Variants in TMEM132C observed in about 807,000 individuals in gnomAD.
TMEM132C encodes the protein protein phosphatase 1, regulatory subunit 152.
Under a neutral mutation model 61.4 loss-of-function variants are expected in TMEM132C, and 29 were observed. The ratio of observed to expected loss-of-function variants is 0.47; its 90% confidence interval spans 0.35 to 0.64. The LOEUF (loss-of-function observed/expected upper bound fraction) is 0.64. Ranked by LOEUF, TMEM132C falls within the 30% of genes least tolerant of loss-of-function variation. The probability of loss-of-function intolerance (pLI) is 0.00; values close to 1 mark genes in which losing one functional copy is unlikely to be tolerated. For missense variants in TMEM132C, 1,408 were observed against 1,476.9 expected, an observed-to-expected ratio of 0.95 and a Z score of 0.76; for synonymous variants, 656 against 633.1, an observed-to-expected ratio of 1.04 and a Z score of -0.54.
chr12:128,510,099 A>G lies in TMEM132C; in HGVS notation c.975-33858A>G, dbSNP rs80128992. On this transcript the variant is annotated intron_variant, in intron 2 of 8. Transcript: ENST00000435159. ...TGGTGACCTGCCTGGAGTCAAGGAC[A>G]TACAAAGTCAATCCCAACAGGTCCA... Among the ~76,000 whole-genome samples the G allele has an allele frequency of 5.8e-3, 886 of 152,362 alleles. 11 individuals carry two copies. The highest frequency in any genetic ancestry group is 0.02 in the African/African-American group (818 of 41,586).
intron 3 of TMEM132C, among the ~76,000 whole-genome samples, chr12:128,545,115 T>G (rs895006743): frequency 1.3e-5 from 2 of 152,216 alleles, no homozygotes; most frequent in Admixed American, 1.3e-4. Context: ...CAGCCCTTTA[T>G]TCCCTCCCTC....
intron 4 of TMEM132C, among the ~76,000 whole-genome samples, chr12:128,622,363 ATATATATATATATAT>A (rs1565994571): frequency 0.041 from 2,309 of 56,734 alleles, 272 homozygotes; most frequent in African/African-American, 0.12. Flanking sequence ...AAAAAAAAAT[ATATATATATATATAT>A]ATATATATAT....
chr12:128,502,250 A>G (rs905275448), intron 2 of TMEM132C, among the ~76,000 whole-genome samples: 12 of 152,096 alleles, frequency 7.9e-5, no homozygotes, highest in African/African-American at 2.9e-4. Context: ...GGGAGAGACA[A>G]ACACATGAAC....
At chr12:128,408,390 G>A (rs931445091) in intron 1 of TMEM132C, among the ~76,000 whole-genome samples, 4 of 152,156 alleles carry the variant, frequency 2.6e-5, no homozygotes, top group African/African-American at 9.7e-5. Flanking sequence ...GTTGGTGAAT[G>A]CTCCCACTGC....
At chr12:128,583,940 G>A (rs1875444088) in intron 3 of TMEM132C, among the ~76,000 whole-genome samples, 1 of 152,214 alleles carries the variant, frequency 6.6e-6, no homozygotes, top group Non-Finnish European at 1.5e-5. Context: ...GGAGCTCTGG[G>A]AGAAAATGAG....
intron 1 of TMEM132C, among the ~76,000 whole-genome samples, chr12:128,399,061 A>C (rs529689322): frequency 6.6e-6 from 1 of 152,218 alleles, no homozygotes; most frequent in Admixed American, 6.5e-5. Flanking sequence ...AGCATTTTCT[A>C]CTTTGTCCCC....
intron 3 of TMEM132C, among the ~76,000 whole-genome samples, chr12:128,572,017 CTGAT>C (rs1289162903): frequency 6.6e-6 from 1 of 152,240 alleles, no homozygotes; most frequent in African/African-American, 2.4e-5. Flanking sequence ...CTGCTGGCCT[CTGAT>C]TGGCCAGACC....
In TMEM132C at chr12:128,376,901, C is replaced by T. The variant is rs545133994; in HGVS notation, c.86-37831C>T. Among the ~76,000 whole-genome samples, 12 of 152,288 alleles carry T rather than the reference C, an allele frequency of 7.9e-5. No individual in the cohort carries two copies. The East Asian group carries it at 1.2e-3, about 15-fold the overall frequency. ...GGGAAGATAAGCATTGCTGCTATGG[C>T]GTGGACCCCCAAAGCAGGCCAGTGA... On this transcript the variant is annotated intron_variant, in intron 1 of 8. Transcript: ENST00000435159.
intron 2 of TMEM132C, among the ~76,000 whole-genome samples, chr12:128,434,385 C>T (rs1377833905): frequency 6.6e-6 from 1 of 152,136 alleles, no homozygotes; most frequent in Non-Finnish European, 1.5e-5. Context: ...CCTGCAACCT[C>T]TGCCTCCCGG....
chr12:128,544,235 T>C (rs1376043590), intron 3 of TMEM132C, 132 bp downstream of exon 3: 3 of 1,288,808 alleles, frequency 2.3e-6, no homozygotes, highest in Non-Finnish European at 3.1e-6. Flanking sequence ...CACGTGGAAA[T>C]CTGGAGGCAT....
intron 1 of TMEM132C, among the ~76,000 whole-genome samples, chr12:128,382,008 C>G (rs534556036): frequency 6.6e-6 from 1 of 152,094 alleles, no homozygotes; most frequent in African/African-American, 2.4e-5. Context: ...CACTCCTCCC[C>G]CAGGGATGTC....
intron 1 of TMEM132C, among the ~76,000 whole-genome samples, chr12:128,318,215 GA>G (rs1872216327): frequency 6.6e-6 from 1 of 152,178 alleles, no homozygotes. Flanking sequence ...ATTCCTAGAG[GA>G]CCAGTTTTGA....
In TMEM132C at chr12:128,691,263, A is replaced by G. The variant is rs140623878; in HGVS notation, c.1450-2566A>G. ...AAAGGTTAGGAAACACTGCCTGAGC[A>G]CTTTCTAGAAACTTTTGAATTAACT... On this transcript the variant is annotated intron_variant, in intron 5 of 8. Transcript: ENST00000435159. 2.3e-3 allele frequency among the ~76,000 whole-genome samples: 358 copies of G among 152,374 alleles called. 4 individuals carry two copies. The highest frequency in any genetic ancestry group is 8.1e-3 in the African/African-American group (336 of 41,594).
intron 2 of TMEM132C, among the ~76,000 whole-genome samples, chr12:128,537,588 T>A (rs1873578066): frequency 6.6e-6 from 1 of 152,184 alleles, no homozygotes; most frequent in Non-Finnish European, 1.5e-5. Context: ...TATACAACAT[T>A]CTCAAAGTGT....
At chr12:128,412,557 A>G (rs1868596949) in intron 1 of TMEM132C, among the ~76,000 whole-genome samples, 1 of 152,156 alleles carries the variant, frequency 6.6e-6, no homozygotes, top group African/African-American at 2.4e-5. Flanking sequence ...TTCTCGGGGT[A>G]GTGAGTAAGT....
At chr12:128,358,084 CG>C in intron 1 of TMEM132C, among the ~76,000 whole-genome samples, 1 of 152,152 alleles carries the variant, frequency 6.6e-6, no homozygotes, top group African/African-American at 2.4e-5. Context: ...GTGAGCCATT[CG>C]AGGTTTGAAT....
rs75612638 is a variant in TMEM132C, at chr12:128,362,996, G to A, written c.86-51736G>A. Among the ~76,000 whole-genome samples the A allele has an allele frequency of 9.0e-3, 1,377 of 152,272 alleles. 74 individuals are homozygous for A. In the East Asian group the frequency reaches 0.16, roughly 18 times the overall value. The stretch of plus-strand genomic sequence containing the variant: ...TTAAATATCAAAAGATGAAGAGAGG[G>A]CCTGAGCAAAACTGAGGAAACATTC... On this transcript the variant is annotated intron_variant, in intron 1 of 8. Transcript: ENST00000435159.
At chr12:128,417,813 T>C (rs959150573) in intron 2 of TMEM132C, among the ~76,000 whole-genome samples, 10 of 152,214 alleles carry the variant, frequency 6.6e-5, no homozygotes, top group Non-Finnish European at 1.5e-4. Context: ...TAAACAGACA[T>C]TGTGTGTTGT....
At chr12:128,288,656 C>T (rs1872537) in intron 1 of TMEM132C, 1 of 152,058 alleles carries the variant, frequency 6.6e-6, no homozygotes, top group African/African-American at 2.4e-5. Context: ...ACTTTCTGAA[C>T]GGTGAGGGAC....
Sources: allele counts gnomAD v4.1 joint callset (sites outside exome capture counted in the v4.1 genomes callset), GRCh38; gene constraint gnomAD v4.1.1; transcripts MANE v1.5; gene names NCBI Gene and HGNC (gene_info 2026-07-23, HGNC 2026-07-21).